UNC45B: variants seen among roughly 807,000 people sequenced by gnomAD.
The protein encoded by UNC45B is protein unc-45 homolog B.
Under a neutral mutation model 98.7 loss-of-function variants are expected in UNC45B, and 78 were observed. The observed-to-expected ratio is 0.79, with a 90% confidence interval of 0.66 to 0.95. UNC45B has a LOEUF of 0.95. Among genes scored for constraint, UNC45B ranks in the 40% least tolerant of loss-of-function variants. The pLI, the probability that UNC45B is intolerant of heterozygous loss-of-function variation, is 0.00. For missense variants in UNC45B, 1,225 were observed against 1,184.9 expected (o/e 1.03, Z -0.50); for synonymous variants, 462 against 480.4 (o/e 0.96, Z 0.50).
chr17:35,153,503 C>A (rs2092036040), intron 5 of UNC45B, among the ~76,000 whole-genome samples: 1 of 150,826 alleles, frequency 6.6e-6, no homozygotes, highest in Non-Finnish European at 1.5e-5. Context: ...TTTATGTTTC[C>A]TTCTAGTGTT....
At chr17:35,186,222 G>C in intron 19 of UNC45B, 77 bp from the exon 20 acceptor site, 1 of 1,567,216 alleles carries the variant, frequency 6.4e-7, no homozygotes, top group East Asian at 2.3e-5. Context: ...GCCACACCAG[G>C]GACCACATTT....
Position 35,162,595 on chromosome 17 carries a change from C to CTT in UNC45B, c.980-1390_980-1389dup, listed in dbSNP as rs531045437. Among the ~76,000 whole-genome samples, 116 of 147,974 alleles carry CTT rather than the reference C, an allele frequency of 7.8e-4. 1 individual carries two copies. Among genetic ancestry groups the CTT allele is most frequent in the Admixed American group, 1.3e-3 (20 of 14,868 alleles). On this transcript the variant is annotated intron_variant, in intron 8 of 19. Transcript: ENST00000394570. Reference sequence around the variant, plus strand: ...TGAGCCACCAAGCCACTTCCAGGCACTTTTTTTTTTTGAGACAGAGTTTTG... The same window carrying CTT: ...TGAGCCACCAAGCCACTTCCAGGCACTTTTTTTTTTTTTGAGACAGAGTTTTG...
intron 17 of UNC45B, among the ~76,000 whole-genome samples, chr17:35,179,339 T>C (rs562187445): frequency 3.3e-5 from 5 of 152,236 alleles, no homozygotes; most frequent in African/African-American, 9.6e-5. Flanking sequence ...AGTTCACTCA[T>C]GATTTGGCTC....
intron 18 of UNC45B, among the ~76,000 whole-genome samples, chr17:35,182,250 T>G (rs8072811): frequency 1.3e-5 from 2 of 151,726 alleles, no homozygotes; most frequent in Non-Finnish European, 2.9e-5. Flanking sequence ...CCACCACCCC[T>G]GGCTAATCTT....
At position 35,187,113 on chromosome 17, in the gene UNC45B, C is replaced by A. The variant is rs2092308519; in HGVS notation, c.*554C>A. Reference sequence around the variant, plus strand: ...CTGTGATGGAAATAGAGTTTATGTTCAACAGTGGGGCATGACCTCTGCAAT... The same window carrying A: ...CTGTGATGGAAATAGAGTTTATGTTAAACAGTGGGGCATGACCTCTGCAAT... On this transcript the variant is annotated 3_prime_UTR_variant, in exon 20 of 20. Transcript: ENST00000394570. 1.3e-5 allele frequency: 2 copies of A among 154,104 alleles called. No homozygotes were observed. Among genetic ancestry groups the A allele is most frequent in the Admixed American group, 1.3e-4 (2 of 15,564 alleles). The allele number at this position is 154,104 out of a possible 1,614,324, so 9.5% of individuals were successfully genotyped here.
At chr17:35,150,954 C>T (rs2092013986) in intron 4 of UNC45B, among the ~76,000 whole-genome samples, 1 of 151,946 alleles carries the variant, frequency 6.6e-6, no homozygotes, top group African/African-American at 2.4e-5. Flanking sequence ...GCTTTGTTGC[C>T]CAGGCTGGAG....
rs959677715 is a variant in UNC45B, at chr17:35,150,055, C to T, written c.213C>T (p.Asp71=). 4 of 1,604,906 alleles carry T rather than the reference C, an allele frequency of 2.5e-6. No homozygotes were observed. The highest frequency in any genetic ancestry group is 3.3e-4 in the Middle Eastern group (2 of 6,038). Residue 71 remains aspartate (D), a synonymous_variant, in exon 4 of 20, where the codon GAC becomes GAT. Coordinates refer to ENST00000394570, the MANE Select transcript of UNC45B (RefSeq NM_001267052.2). ...QAASDASRAI[D]INSSDIKALY... ...CCCGTCTCCCCTCGATAGCCATCGA[C>T]ATCAACTCCTCGGACATCAAGGCTC...
Position 35,150,054 on chromosome 17 carries a change from A to G in UNC45B, c.212A>G (p.Asp71Gly), listed in dbSNP as rs746594588. 1.9e-5 allele frequency: 31 copies of G among 1,604,076 alleles called. No individual in the cohort carries two copies. Among genetic ancestry groups the G allele is most frequent in the Non-Finnish European group, 2.6e-5 (30 of 1,174,904 alleles). ...QAASDASRAIDINSSDIKALY... is the reference protein window; with the variant it reads ...QAASDASRAIGINSSDIKALY... ...CCCCGTCTCCCCTCGATAGCCATCGACATCAACTCCTCGGACATCAAGGCT... is the reference window on the plus strand; with the variant it reads ...CCCCGTCTCCCCTCGATAGCCATCGGCATCAACTCCTCGGACATCAAGGCT... Residue 71 changes from aspartate to glycine, a missense_variant, in exon 4 of 20, where the codon GAC becomes GGC. By Grantham distance (94) the Asp-to-Gly change is moderately conservative (BLOSUM62 -1). Transcript: ENST00000394570.
intron 11 of UNC45B, 90 bp downstream of exon 11, chr17:35,170,021 G>A (rs887907563): frequency 1.9e-5 from 30 of 1,606,516 alleles, no homozygotes; most frequent in African/African-American, 8.0e-5. Flanking sequence ...AGTGTGAAAG[G>A]GACCTCACCC....
At chr17:35,174,521 T>G (rs2092213195) in intron 14 of UNC45B, 152 bp downstream of exon 14, 1 of 1,195,050 alleles carries the variant, frequency 8.4e-7, no homozygotes, top group African/African-American at 1.5e-5. Context: ...GGGGATCAGC[T>G]TTGAAAAGTG....
intron 16 of UNC45B, 36 bp downstream of exon 16, chr17:35,177,166 G>A (rs2092240317): frequency 6.4e-7 from 1 of 1,571,280 alleles, no homozygotes; most frequent in South Asian, 1.1e-5. Context: ...GGCAATGGGA[G>A]GGGTCTCCTT....
At chr17:35,149,977 G>T in intron 3 of UNC45B, 71 bp from the exon 4 acceptor site, 2 of 1,457,282 alleles carry the variant, frequency 1.4e-6, no homozygotes, top group Non-Finnish European at 9.1e-7. Flanking sequence ...GCTTCCTGGA[G>T]TTGGGGCAGT....
chr17:35,173,646 C>T (rs1024926760), intron 13 of UNC45B, among the ~76,000 whole-genome samples: 2 of 152,060 alleles, frequency 1.3e-5, no homozygotes, highest in South Asian at 4.1e-4. Flanking sequence ...CTAGTACTAA[C>T]TCTGATCTTC....
At chr17:35,175,437 A>G (rs955416718) in intron 14 of UNC45B, among the ~76,000 whole-genome samples, 33 of 152,164 alleles carry the variant, frequency 2.2e-4, no homozygotes, top group Non-Finnish European at 1.3e-4. Flanking sequence ...GCAGCTGGTA[A>G]GGCCTCCTGG....
chr17:35,182,277 G>C (rs1461587909), intron 18 of UNC45B, among the ~76,000 whole-genome samples: 1 of 152,056 alleles, frequency 6.6e-6, no homozygotes, highest in South Asian at 2.1e-4. Context: ...TTTTAGTAGA[G>C]ACGGGGTTTC....
rs1310373154 is a variant in UNC45B at position 35,177,169 on chromosome 17, G to A, written c.2139+39G>A. On this transcript the variant is annotated intron_variant, in intron 16 of 19. Transcript: ENST00000394570. The stretch of plus-strand genomic sequence containing the variant: ...TAGATGGGATAGGGCAATGGGAGGG[G>A]TCTCCTTTGCTCCTAGAGGCCTTTC... 7 of 1,560,646 alleles carry A rather than the reference G, an allele frequency of 4.5e-6. No homozygotes were observed. In the African/African-American group the frequency reaches 6.8e-5, roughly 15 times the overall value.
chr17:35,159,829 G>T (rs752327810), intron 8 of UNC45B, among the ~76,000 whole-genome samples: 5 of 152,186 alleles, frequency 3.3e-5, no homozygotes, highest in Non-Finnish European at 7.3e-5. Flanking sequence ...CCAACCACAG[G>T]ATAAAATTCC....
At chr17:35,180,516 C>T in intron 17 of UNC45B, 43 bp from the exon 18 acceptor site, 2 of 1,541,566 alleles carry the variant, frequency 1.3e-6, no homozygotes, top group Non-Finnish European at 1.8e-6. Flanking sequence ...ATGGTCACGG[C>T]AGAAGACTCA....
intron 17 of UNC45B, among the ~76,000 whole-genome samples, chr17:35,179,263 T>A (rs945249142): frequency 6.6e-6 from 1 of 152,208 alleles, no homozygotes; most frequent in Non-Finnish European, 1.5e-5. Context: ...CTTGAAGAGG[T>A]CCTTCACATC....
Sources: allele counts gnomAD v4.1 joint callset (sites outside exome capture counted in the v4.1 genomes callset), GRCh38; gene constraint gnomAD v4.1.1; transcripts MANE v1.5; gene names NCBI Gene and HGNC (gene_info 2026-07-23, HGNC 2026-07-21).